DPP6: variants seen among roughly 807,000 people sequenced by gnomAD.
DPP6 encodes the protein A-type potassium channel modulatory protein DPP6.
DPP6 carries 69 observed loss-of-function variants against 122.6 expected under a neutral mutation model. That is an observed-to-expected ratio of 0.56 (90% CI 0.46 to 0.69). DPP6 has a LOEUF of 0.69. Ranked by LOEUF, DPP6 falls within the 30% of genes least tolerant of loss-of-function variation. The pLI, the probability that DPP6 is intolerant of heterozygous loss-of-function variation, is 0.00. For missense variants in DPP6, 928 were observed against 1,116.9 expected (o/e 0.83, Z 2.41); for synonymous variants, 418 against 433.1 (o/e 0.97, Z 0.43).
intron 1 of DPP6, among the ~76,000 whole-genome samples, chr7:154,212,052 G>A (rs1236123604): frequency 6.6e-6 from 1 of 152,148 alleles, no homozygotes; most frequent in African/African-American, 2.4e-5. Context: ...CTTTATACAT[G>A]AGAAAGGCAG....
chr7:153,750,978 C>T, the DPP6 span, among the ~76,000 whole-genome samples: 1 of 151,892 alleles, frequency 6.6e-6, no homozygotes, highest in East Asian at 1.9e-4. Flanking sequence ...GGTGCGATAA[C>T]ATGAGAGACT....
chr7:154,695,521 T>C (rs73730238), intron 7 of DPP6, among the ~76,000 whole-genome samples: 3,281 of 152,262 alleles, frequency 0.022, 130 homozygotes, highest in African/African-American at 0.075. Context: ...TATGAAATGA[T>C]TGCTATAGTT....
chr7:154,462,520 T>A (rs181732828), intron 2 of DPP6, among the ~76,000 whole-genome samples: 84 of 152,274 alleles, frequency 5.5e-4, no homozygotes, highest in African/African-American at 1.9e-3. Flanking sequence ...ATTTTTTATG[T>A]CTGCTTCCAT....
At chr7:154,694,735 G>A (rs1258296047) in intron 7 of DPP6, among the ~76,000 whole-genome samples, 3 of 152,132 alleles carry the variant, frequency 2.0e-5, no homozygotes, top group African/African-American at 4.8e-5. Flanking sequence ...CTCAAGGCCC[G>A]GCGGACCCCT....
chr7:154,084,771 T>C (rs1804264136), intron 1 of DPP6, among the ~76,000 whole-genome samples: 1 of 147,476 alleles, frequency 6.8e-6, no homozygotes, highest in Non-Finnish European at 1.5e-5. Flanking sequence ...GGGAGGATCA[T>C]GAGGTCAGGA....
intron 7 of DPP6, among the ~76,000 whole-genome samples, chr7:154,719,102 A>T (rs763397710): frequency 9.9e-5 from 15 of 151,930 alleles, no homozygotes; most frequent in Admixed American, 2.0e-4. Context: ...TGTGAATCAG[A>T]GAGTGGTAGC....
At chr7:154,060,173 G>T (rs1488310158) in intron 1 of DPP6, among the ~76,000 whole-genome samples, 1 of 147,890 alleles carries the variant, frequency 6.8e-6, no homozygotes, top group Non-Finnish European at 1.5e-5. Flanking sequence ...TCGCAGGGGG[G>T]GAGGCACCCC....
chr7:154,825,400 A>G (rs1800075829), intron 16 of DPP6, among the ~76,000 whole-genome samples: 1 of 152,220 alleles, frequency 6.6e-6, no homozygotes. Flanking sequence ...TCATAGTAAT[A>G]CATTTCTCCC....
At chr7:154,262,986 C>G (rs1803136948) in intron 1 of DPP6, among the ~76,000 whole-genome samples, 1 of 152,156 alleles carries the variant, frequency 6.6e-6, no homozygotes, top group Admixed American at 6.5e-5. Flanking sequence ...AATCTGCTCA[C>G]CAATGAAAAG....
intron 7 of DPP6, among the ~76,000 whole-genome samples, chr7:154,692,889 GCAGGTGTT>G (rs1237333402): frequency 6.6e-6 from 1 of 150,570 alleles, no homozygotes; most frequent in Non-Finnish European, 1.5e-5. Context: ...TCAACCTCAA[GCAGGTGTT>G]CCTCCCATCT....
At chr7:154,077,267 A>C (rs1190755395) in intron 1 of DPP6, among the ~76,000 whole-genome samples, 1 of 152,254 alleles carries the variant, frequency 6.6e-6, no homozygotes, top group African/African-American at 2.4e-5. Flanking sequence ...CACTAGACAC[A>C]GTACTCCATA....
intron 4 of DPP6, among the ~76,000 whole-genome samples, chr7:154,552,759 G>A (rs2130389402): frequency 6.6e-6 from 1 of 152,328 alleles, no homozygotes; most frequent in East Asian, 1.9e-4. Context: ...CTTAAGAGAA[G>A]GGAGGGGACT....
At chr7:154,762,713 A>T (rs1359339176) in intron 8 of DPP6, among the ~76,000 whole-genome samples, 2 of 152,252 alleles carry the variant, frequency 1.3e-5, no homozygotes, top group Non-Finnish European at 2.9e-5. Flanking sequence ...TGCTTCAAGC[A>T]AGGGCTCCGC....
intron 1 of DPP6, among the ~76,000 whole-genome samples, chr7:154,019,105 T>G (rs1798567682): frequency 6.6e-6 from 1 of 152,172 alleles, no homozygotes; most frequent in Non-Finnish European, 1.5e-5. Context: ...ATTAATAACT[T>G]GTGAAGAAAA....
the DPP6 span, among the ~76,000 whole-genome samples, chr7:153,786,534 T>A: frequency 6.6e-6 from 1 of 151,292 alleles, no homozygotes; most frequent in Non-Finnish European, 1.5e-5. Flanking sequence ...GGTCAGGAGA[T>A]CGAGACCATC....
intron 1 of DPP6, among the ~76,000 whole-genome samples, chr7:154,009,397 C>T (rs923654788): frequency 1.6e-5 from 2 of 127,232 alleles, no homozygotes; most frequent in African/African-American, 6.7e-5. Context: ...CTCACCTTGA[C>T]CTGGTGACCT....
chr7:154,162,351 T>C (rs992377131), intron 1 of DPP6, among the ~76,000 whole-genome samples: 3 of 152,322 alleles, frequency 2.0e-5, no homozygotes, highest in Middle Eastern at 3.4e-3. Flanking sequence ...AGTTCAACTC[T>C]TTGGTTCTTA....
the DPP6 span, among the ~76,000 whole-genome samples, chr7:153,824,108 G>A: frequency 6.6e-5 from 10 of 152,176 alleles, no homozygotes; most frequent in Non-Finnish European, 1.2e-4. Context: ...AGGTATTGGG[G>A]TTGGGCGCGG....
At chr7:154,060,165 G>A (rs1427007543) in intron 1 of DPP6, among the ~76,000 whole-genome samples, 44 of 146,112 alleles carry the variant, frequency 3.0e-4, no homozygotes, top group Non-Finnish European at 4.2e-4. Flanking sequence ...CACCCCCATC[G>A]CAGGGGGGGA....
Sources: allele counts gnomAD v4.1 joint callset (sites outside exome capture counted in the v4.1 genomes callset), GRCh38; gene constraint gnomAD v4.1.1; transcripts MANE v1.5; gene names NCBI Gene and HGNC (gene_info 2026-07-23, HGNC 2026-07-21).